The following SCAI variants were observed in gnomAD, a reference collection of about 807,000 sequenced individuals.
SCAI encodes protein SCAI.
Under a neutral mutation model 92.2 loss-of-function variants are expected in SCAI, and 24 were observed. That is an observed-to-expected ratio of 0.26 (90% CI 0.19 to 0.37). The LOEUF is 0.37. Ranked by LOEUF, SCAI falls within the 10% of genes least tolerant of loss-of-function variation. SCAI has a pLI of 1.00. For missense variants in SCAI, 450 were observed against 736.2 expected (o/e 0.61, Z 4.50); for synonymous variants, 261 against 258.6 (o/e 1.01, Z -0.09).
At chr9:124,966,380 A>G (rs955213292) in intron 17 of SCAI, among the ~76,000 whole-genome samples, 1 of 152,100 alleles carries the variant, frequency 6.6e-6, no homozygotes, top group African/African-American at 2.4e-5. Flanking sequence ...CTTTGTAGGG[A>G]CATGGATGAA....
At chr9:125,141,568 T>A (rs940585122) in intron 2 of SCAI, among the ~76,000 whole-genome samples, 1 of 152,248 alleles carries the variant, frequency 6.6e-6, no homozygotes, top group Non-Finnish European at 1.5e-5. Context: ...TGTGGACTAC[T>A]TAAACTCTTT....
intron 2 of SCAI, among the ~76,000 whole-genome samples, chr9:125,122,364 G>C (rs1326465857): frequency 5.9e-5 from 9 of 152,034 alleles, no homozygotes; most frequent in African/African-American, 2.2e-4. Context: ...GTCGAGGCGG[G>C]TGGACCACGA....
chr9:125,126,394 T>G (rs1032785456), intron 2 of SCAI, among the ~76,000 whole-genome samples: 35 of 107,504 alleles, frequency 3.3e-4, no homozygotes, highest in African/African-American at 7.5e-4. Context: ...GAGTTGGGGG[T>G]GTGTGTGTGT....
chr9:125,104,288 T>C (rs1052889578), intron 2 of SCAI, among the ~76,000 whole-genome samples: 1 of 151,976 alleles, frequency 6.6e-6, no homozygotes, highest in African/African-American at 2.4e-5. Context: ...GACAAAGGAG[T>C]GTCCAGTAAG....
chr9:125,000,838 G>A (rs939024035), intron 12 of SCAI, among the ~76,000 whole-genome samples: 8 of 152,094 alleles, frequency 5.3e-5, no homozygotes, highest in African/African-American at 1.9e-4. Flanking sequence ...CTTTAGTTCT[G>A]GTTCTGAAGT....
intron 2 of SCAI, among the ~76,000 whole-genome samples, chr9:125,102,938 C>CTT (rs1834708610): frequency 6.6e-6 from 1 of 152,112 alleles, no homozygotes; most frequent in African/African-American, 2.4e-5. Context: ...TCATCTCTCT[C>CTT]TTTCTCTATA....
intron 2 of SCAI, among the ~76,000 whole-genome samples, chr9:125,081,388 G>C (rs1834214686): frequency 6.6e-6 from 1 of 152,202 alleles, no homozygotes; most frequent in Non-Finnish European, 1.5e-5. Context: ...TAAGGAACTT[G>C]TTAGGAACTG....
chr9:124,952,104 T>C lies in SCAI; in HGVS notation c.*703A>G, dbSNP rs1831242514. The C allele has an allele frequency of 6.6e-6, 1 of 152,212 alleles. No individual in the cohort carries two copies. Among genetic ancestry groups the C allele is most frequent in the Non-Finnish European group, 1.5e-5 (1 of 68,040 alleles). The allele number at this position is 152,212 out of a possible 1,614,324, so 9.4% of individuals were successfully genotyped here. ...TTTTGACTAAAATATTTCAAAGTTG[T>C]TTCCTTTTTCATTTCCAGCATTCAC... is the stretch of plus-strand genomic sequence containing the variant. On this transcript the variant is annotated 3_prime_UTR_variant, in exon 18 of 18. Transcript: ENST00000336505.
At chr9:125,069,171 T>A (rs1833928548) in intron 2 of SCAI, among the ~76,000 whole-genome samples, 1 of 151,510 alleles carries the variant, frequency 6.6e-6, no homozygotes, top group Non-Finnish European at 1.5e-5. Flanking sequence ...TGAGCCAAGA[T>A]CATGCCACTG....
intron 2 of SCAI, among the ~76,000 whole-genome samples, chr9:125,130,606 C>T (rs185572979): frequency 1.3e-5 from 2 of 151,916 alleles, no homozygotes; most frequent in African/African-American, 2.4e-5. Context: ...CTCTACCTCC[C>T]GGGTTGGAGC....
intron 2 of SCAI, among the ~76,000 whole-genome samples, chr9:125,079,858 G>C (rs910787257): frequency 6.6e-6 from 1 of 152,106 alleles, no homozygotes; most frequent in East Asian, 1.9e-4. Flanking sequence ...ATTTGATTAC[G>C]AAAGCAGGAA....
chr9:125,100,108 G>T (rs545376391), intron 2 of SCAI, among the ~76,000 whole-genome samples: 38 of 152,280 alleles, frequency 2.5e-4, no homozygotes, highest in African/African-American at 7.9e-4. Context: ...TTAAGGAACT[G>T]CCATACTTTA....
At chr9:125,111,208 T>TA (rs112143990) in intron 2 of SCAI, among the ~76,000 whole-genome samples, 5,081 of 148,298 alleles carry the variant, frequency 0.034, 244 homozygotes, top group African/African-American at 0.11. Context: ...GTTTAACATT[T>TA]AAAAAAAAAA....
In SCAI at chr9:125,040,382, A is replaced by T. The variant is rs1373433724; in HGVS notation, c.231-10643T>A. Among the ~76,000 whole-genome samples the T allele has an allele frequency of 3.9e-5, 6 of 152,264 alleles. No homozygotes were observed. The South Asian group carries it at 1.2e-3, about 32-fold the overall frequency. Reference sequence around the variant, plus strand: ...TGTCTCAAGAAACAAACAAAAAAGAATGATTTCTTTCTCTGTGCACATTTA... The same window carrying T: ...TGTCTCAAGAAACAAACAAAAAAGATTGATTTCTTTCTCTGTGCACATTTA... On this transcript the variant is annotated intron_variant, in intron 3 of 17. Transcript: ENST00000336505.
intron 3 of SCAI, among the ~76,000 whole-genome samples, chr9:125,041,608 TA>T (rs1416390139): frequency 6.6e-6 from 1 of 152,092 alleles, no homozygotes; most frequent in East Asian, 1.9e-4. Context: ...AGGTGTCAAG[TA>T]AAAAGGGTTA....
intron 7 of SCAI, 121 bp from the exon 8 acceptor site, chr9:125,019,326 A>G (rs933024842): frequency 1.7e-6 from 1 of 579,332 alleles, no homozygotes; most frequent in African/African-American, 1.9e-5. Flanking sequence ...AGCAATACAC[A>G]GTCCTGATTA....
At chr9:124,996,220 T>C (rs868044193) in intron 13 of SCAI, among the ~76,000 whole-genome samples, 2 of 12,850 alleles carry the variant, frequency 1.6e-4, no homozygotes, top group African/African-American at 2.9e-4. Context: ...GGGGCGGGGG[T>C]GGGGGGGTGG....
intron 2 of SCAI, among the ~76,000 whole-genome samples, chr9:125,111,208 TA>T (rs112143990): frequency 1.3e-4 from 20 of 148,310 alleles, no homozygotes; most frequent in South Asian, 4.3e-4. Flanking sequence ...GTTTAACATT[TA>T]AAAAAAAAAT....
chr9:124,955,274 A>G (rs1382411887), intron 17 of SCAI, among the ~76,000 whole-genome samples: 1 of 152,100 alleles, frequency 6.6e-6, no homozygotes, highest in East Asian at 1.9e-4. Context: ...GGAAAGAATA[A>G]TAAAGTATGA....
Sources: gnomAD v4.1 joint callset for allele counts (sites outside exome capture counted in the v4.1 genomes callset) on GRCh38, gnomAD v4.1.1 for gene constraint, MANE v1.5 for transcripts, NCBI Gene and HGNC (gene_info 2026-07-23, HGNC 2026-07-21) for gene names.